Variants in NAALADL2 observed in about 807,000 individuals in gnomAD.
NAALADL2 encodes the protein inactive N-acetylated-alpha-linked acidic dipeptidase-like protein 2.
A neutral mutation model predicts 87.2 loss-of-function variants in NAALADL2; 76 were observed. The ratio of observed to expected loss-of-function variants is 0.87; its 90% CI spans 0.72 to 1.05. NAALADL2 has a LOEUF of 1.05. NAALADL2 is among the 50% of genes least tolerant of loss of function. The pLI is 0.00. For synonymous variants in NAALADL2, 354 were observed against 331.0 expected, an observed-to-expected ratio of 1.07 and a Z score of -0.75; for missense variants, 1,089 against 945.8, an observed-to-expected ratio of 1.15 and a Z score of -1.99.
chr3:175,425,530 A>T (rs1441217842), intron 5 of NAALADL2, among the ~76,000 whole-genome samples: 6 of 152,012 alleles, frequency 3.9e-5, no homozygotes, highest in South Asian at 2.1e-4. Flanking sequence ...ATTTAGATGT[A>T]TTTTTTTTAA....
intron 1 of NAALADL2, among the ~76,000 whole-genome samples, chr3:174,488,781 C>T (rs546406194): frequency 3.9e-5 from 6 of 151,994 alleles, no homozygotes; most frequent in Admixed American, 6.6e-5. Context: ...ACTAAATAAG[C>T]GGTTCTCATA....
chr3:174,731,188 C>A (rs1316435262), intron 2 of NAALADL2, among the ~76,000 whole-genome samples: 1 of 152,082 alleles, frequency 6.6e-6, no homozygotes, highest in East Asian at 1.9e-4. Context: ...TTATCAGAGT[C>A]CCATACTGAG....
intron 6 of NAALADL2, among the ~76,000 whole-genome samples, chr3:175,454,138 C>G (rs903886642): frequency 6.6e-6 from 1 of 151,964 alleles, no homozygotes; most frequent in African/African-American, 2.4e-5. Flanking sequence ...ATCTGATAGT[C>G]TTTTAATAGG....
At chr3:175,125,227 GGTAGC>G (rs888376185) in intron 2 of NAALADL2, among the ~76,000 whole-genome samples, 2 of 151,924 alleles carry the variant, frequency 1.3e-5, no homozygotes, top group African/African-American at 4.8e-5. Context: ...TAAACTACCT[GGTAGC>G]TGGTGGTTAA....
At chr3:174,746,019 C>T (rs1013698925) in intron 3 of NAALADL2, among the ~76,000 whole-genome samples, 1 of 152,134 alleles carries the variant, frequency 6.6e-6, no homozygotes, top group Non-Finnish European at 1.5e-5. Flanking sequence ...AAAACTGGCA[C>T]AAGACAAGGA....
intron 2 of NAALADL2, among the ~76,000 whole-genome samples, chr3:174,645,918 A>G (rs1331936969): frequency 1.3e-5 from 2 of 152,188 alleles, no homozygotes; most frequent in Non-Finnish European, 1.5e-5. Context: ...GTATGGAATG[A>G]ATATCTCATT....
chr3:174,864,557 G>A (rs1264888800), intron 1 of NAALADL2, among the ~76,000 whole-genome samples: 1 of 151,944 alleles, frequency 6.6e-6, no homozygotes, highest in African/African-American at 2.4e-5. Context: ...TTGAAGAAAA[G>A]GTGATACATA....
chr3:175,609,528 G>T (rs1478512569), intron 10 of NAALADL2: 1 of 152,008 alleles, frequency 6.6e-6, no homozygotes, highest in Non-Finnish European at 1.5e-5. Flanking sequence ...TCCGAAGCGC[G>T]ATTATTGCTA....
intron 3 of NAALADL2, among the ~76,000 whole-genome samples, chr3:174,799,407 C>T (rs1718536318): frequency 6.6e-6 from 1 of 151,980 alleles, no homozygotes; most frequent in African/African-American, 2.4e-5. Context: ...GTGCTGTTCT[C>T]ATCATAGTGA....
intron 9 of NAALADL2, among the ~76,000 whole-genome samples, chr3:175,511,950 C>T (rs1280652896): frequency 6.6e-6 from 1 of 152,074 alleles, no homozygotes; most frequent in Non-Finnish European, 1.5e-5. Flanking sequence ...GCTTAAGAAA[C>T]AGGTTCCTAG....
intron 1 of NAALADL2, among the ~76,000 whole-genome samples, chr3:175,071,110 G>A (rs999907223): frequency 2.6e-5 from 4 of 152,074 alleles, no homozygotes; most frequent in African/African-American, 9.7e-5. Context: ...TTGAGTGCCA[G>A]TTAGTGCACT....
intron 2 of NAALADL2, among the ~76,000 whole-genome samples, chr3:175,152,144 G>A (rs970354924): frequency 2.0e-5 from 3 of 152,060 alleles, no homozygotes; most frequent in South Asian, 2.1e-4. Context: ...GGATGTTATC[G>A]ACAGTAATAC....
intron 2 of NAALADL2, among the ~76,000 whole-genome samples, chr3:175,209,744 C>A (rs1204414405): frequency 3.3e-5 from 5 of 151,454 alleles, no homozygotes; most frequent in African/African-American, 1.2e-4. Context: ...TTATGAAGAG[C>A]AGAAGGTCCT....
At chr3:174,972,242 T>C (rs1267368109) in intron 1 of NAALADL2, among the ~76,000 whole-genome samples, 1 of 152,208 alleles carries the variant, frequency 6.6e-6, no homozygotes, top group African/African-American at 2.4e-5. Context: ...AGGTTCAAGA[T>C]TTATTGTCTT....
intron 11 of NAALADL2, among the ~76,000 whole-genome samples, chr3:175,725,238 T>G (rs1742769486): frequency 1.3e-5 from 2 of 152,126 alleles, no homozygotes; most frequent in Non-Finnish European, 2.9e-5. Flanking sequence ...GCTAAATCAG[T>G]TCTTTAATCT....
intron 1 of NAALADL2, among the ~76,000 whole-genome samples, chr3:174,973,190 C>T (rs1383143011): frequency 6.6e-6 from 1 of 152,158 alleles, no homozygotes; most frequent in Non-Finnish European, 1.5e-5. Flanking sequence ...TCCTTTATGG[C>T]ATACGTTTTT....
Position 175,067,958 on chromosome 3 carries a change from G to T in NAALADL2, c.44-28832G>T, listed in dbSNP as rs181156760. Among the ~76,000 whole-genome samples, 669 of 152,190 alleles carry T rather than the reference G, an allele frequency of 4.4e-3. 1 individual carries two copies. Among genetic ancestry groups the T allele is most frequent in the Admixed American group, 0.01 (157 of 15,256 alleles). On this transcript the variant is annotated intron_variant, in intron 1 of 13. Coordinates refer to ENST00000454872, the MANE Select transcript of NAALADL2 (RefSeq NM_207015.3). ...TGAAACAACATGAATGGAGCTGGAG[G>T]TCATAATCCTAAGTGAATTAATGTA...
In NAALADL2 at chr3:174,561,366, A is replaced by AT. The variant is rs1232633195; in HGVS notation, c.-115+10736dup. ...AGGCATGTGCCACCATGCCCAGCTA[A>AT]TTTTTTTGTATTTTTAGTAGAAACA... On this transcript the variant is annotated intron_variant, in intron 2 of 3. Transcript: ENST00000434257. Among the ~76,000 whole-genome samples, 4 of 151,490 alleles carry AT rather than the reference A, an allele frequency of 2.6e-5. No individual in the cohort carries two copies. In the East Asian group the frequency reaches 5.9e-4, roughly 22 times the overall value.
rs142559845 is a variant in NAALADL2 at position 174,541,844 on chromosome 3, G to C, written c.-183-8725G>C. ...AGCACCAAAATTGGGGCTTAGTCTG[G>C]GAGGATTCTTGGCTTCACTCAGGAA... On this transcript the variant is annotated intron_variant, in intron 1 of 3. Transcript: ENST00000434257. 3.8e-3 allele frequency among the ~76,000 whole-genome samples: 579 copies of C among 152,268 alleles called. 3 individuals carry two copies. The highest frequency in any genetic ancestry group is 0.013 in the African/African-American group (544 of 41,566).
Sources: allele counts gnomAD v4.1 joint callset (sites outside exome capture counted in the v4.1 genomes callset), GRCh38; gene constraint gnomAD v4.1.1; transcripts MANE v1.5; gene names NCBI Gene and HGNC (gene_info 2026-07-23, HGNC 2026-07-21).